CSTA: variants seen among roughly 807,000 people sequenced by gnomAD.
The protein encoded by CSTA is cystatin-A.
CSTA carries 9 observed loss-of-function variants against 9.2 expected under a neutral mutation model. The ratio of observed to expected loss-of-function variants is 0.97; its 90% CI spans 0.59 to 1.70. The LOEUF is 1.70. CSTA is among the 40% of genes most tolerant of loss of function. The pLI, the probability that CSTA is intolerant of heterozygous loss-of-function variation, is 0.00. For synonymous variants in CSTA, 36 were observed against 40.6 expected, an observed-to-expected ratio of 0.89 and a Z score of 0.43; for missense variants, 118 against 113.1, an observed-to-expected ratio of 1.04 and a Z score of -0.20.
chr3:122,327,562 C>T (rs896493545), intron 1 of CSTA, among the ~76,000 whole-genome samples: 2 of 146,498 alleles, frequency 1.4e-5, no homozygotes, highest in African/African-American at 2.5e-5. Context: ...AGTCAGGGTG[C>T]CAAAATAAAA....
rs541863422 is a variant in CSTA at position 122,340,680 on chromosome 3, G to A, written c.169-759G>A. Reference sequence around the variant, plus strand: ...CCTACCAGTGGGTGTTTATAAAGTAGGTTCTGATATAGGTATGGGAACCCT... The same window carrying A: ...CCTACCAGTGGGTGTTTATAAAGTAAGTTCTGATATAGGTATGGGAACCCT... On this transcript the variant is annotated intron_variant, in intron 2 of 2. Transcript: ENST00000264474. Among the ~76,000 whole-genome samples, 7 of 152,250 alleles carry A rather than the reference G, an allele frequency of 4.6e-5. No individual in the cohort carries two copies. In the East Asian group the frequency reaches 1.4e-3, roughly 29 times the overall value.
At position 122,334,905 on chromosome 3, in the gene CSTA, A is replaced by C. The variant is rs1444463612; in HGVS notation, c.67-2642A>C. On this transcript the variant is annotated intron_variant, in intron 1 of 2. Coordinates refer to ENST00000264474, the MANE Select transcript of CSTA (RefSeq NM_005213.4). Reference sequence around the variant, plus strand: ...GGCGCAGGCATGAGCAACACCAAAAAGTCGTAGCCAGGAGTAAGGTCTCAG... The same window carrying C: ...GGCGCAGGCATGAGCAACACCAAAACGTCGTAGCCAGGAGTAAGGTCTCAG... 2.6e-5 allele frequency among the ~76,000 whole-genome samples: 4 copies of C among 152,232 alleles called. No individual in the cohort carries two copies. In the South Asian group the frequency reaches 6.2e-4, roughly 24 times the overall value.
In CSTA at chr3:122,329,485, G is replaced by T. The variant is rs367649200; in HGVS notation, c.66+4127G>T. 1.7e-3 allele frequency among the ~76,000 whole-genome samples: 252 copies of T among 152,210 alleles called. 8 individuals are homozygous for T. The South Asian group carries it at 0.051, about 31-fold the overall frequency. On this transcript the variant is annotated intron_variant, in intron 1 of 2. Transcript: ENST00000264474. The stretch of plus-strand genomic sequence containing the variant: ...GGAGGCTTAGGTGAGAGAATCACTT[G>T]CACTCAGGAAGTTGAGGATGCAGTG...
chr3:122,335,958 TAC>T (rs55707796), intron 1 of CSTA, among the ~76,000 whole-genome samples: 12,552 of 147,514 alleles, frequency 0.085, 969 homozygotes, highest in East Asian at 0.38. Flanking sequence ...ATCAGAGGAA[TAC>T]ACACACACAC....
At chr3:122,334,562 G>T (rs2075226108) in intron 1 of CSTA, among the ~76,000 whole-genome samples, 1 of 152,146 alleles carries the variant, frequency 6.6e-6, no homozygotes, top group Non-Finnish European at 1.5e-5. Flanking sequence ...CTGGAGGCCT[G>T]ATTGAAGTTG....
At position 122,341,449 on chromosome 3, in the gene CSTA, G is replaced by A; in HGVS notation, c.179G>A (p.Gly60Asp). ...TTTAATATTTTTCAGGTACGAGCAG[G>A]TGATAATAAATATATGCACTTGAAA... ...GTNYYIKVRA[G>D]DNKYMHLKVF... The change falls in exon 3 of 3, where the codon GGT becomes GAT. Residue 60 changes from glycine to aspartate, a missense_variant. Gly to Asp is a moderately conservative substitution (Grantham distance 94, BLOSUM62 -1). Coordinates refer to ENST00000264474, the MANE Select transcript of CSTA (RefSeq NM_005213.4). 1.2e-6 allele frequency: 2 copies of A among 1,613,948 alleles called. No homozygotes were observed. The highest frequency in any genetic ancestry group is 2.2e-5 in the East Asian group (1 of 44,866).
chr3:122,325,896 T>C (rs1331975291), intron 1 of CSTA, among the ~76,000 whole-genome samples: 3 of 152,250 alleles, frequency 2.0e-5, no homozygotes, highest in East Asian at 1.9e-4. Flanking sequence ...ATTCAACTAA[T>C]AGAACAGAGG....
At chr3:122,339,670 T>C (rs2075254758) in intron 2 of CSTA, among the ~76,000 whole-genome samples, 1 of 152,162 alleles carries the variant, frequency 6.6e-6, no homozygotes, top group Non-Finnish European at 1.5e-5. Flanking sequence ...CTGGGCAACA[T>C]AGCAAGACCC....
At chr3:122,336,851 G>A (rs1006418200) in intron 1 of CSTA, among the ~76,000 whole-genome samples, 57 of 152,260 alleles carry the variant, frequency 3.7e-4, no homozygotes, top group African/African-American at 1.2e-3. Flanking sequence ...ACTAACATAA[G>A]AGGAGATCAC....
At chr3:122,333,387 T>C (rs1157481011) in intron 1 of CSTA, among the ~76,000 whole-genome samples, 1 of 152,032 alleles carries the variant, frequency 6.6e-6, no homozygotes. Flanking sequence ...GGCAGATGCC[T>C]GTAGTCCCAG....
chr3:122,338,499 CAAAAAAA>C (rs58446448), intron 2 of CSTA, among the ~76,000 whole-genome samples: 1 of 140,152 alleles, frequency 7.1e-6, no homozygotes, highest in South Asian at 2.3e-4. Flanking sequence ...ATTTTTTCAG[CAAAAAAA>C]AAAAAAAAAG....
rs368416217 is a variant in CSTA, at chr3:122,333,688, A to G, written c.67-3859A>G. 2.8e-3 allele frequency among the ~76,000 whole-genome samples: 402 copies of G among 141,894 alleles called. 7 individuals carry two copies. Among genetic ancestry groups the G allele is most frequent in the Middle Eastern group, 0.021 (5 of 238 alleles). The allele number at this position is 141,894 out of a possible 152,430, so 93.1% of individuals were successfully genotyped here. A position where few individuals can be genotyped will look rare whatever the true frequency, so the allele number is the denominator to read the frequency against. ...AAAAGGAAGAAAGAAAGAAGAAAGA[A>G]AGAGAGAGAGAAAGAAAGAAAAAGA... On this transcript the variant is annotated intron_variant, in intron 1 of 2. Transcript: ENST00000264474.
chr3:122,332,006 C>T (rs548519709), intron 1 of CSTA, among the ~76,000 whole-genome samples: 4 of 152,294 alleles, frequency 2.6e-5, no homozygotes, highest in African/African-American at 9.6e-5. Flanking sequence ...AATAGGGTTC[C>T]CACTCCTATG....
intron 1 of CSTA, among the ~76,000 whole-genome samples, chr3:122,335,997 G>A (rs903389975): frequency 7.5e-5 from 10 of 133,066 alleles, no homozygotes; most frequent in African/African-American, 2.7e-4. Flanking sequence ...ACACACACAC[G>A]TACACACACA....
At chr3:122,333,583 G>GAAAGAAAGAAAC (rs2075218345) in intron 1 of CSTA, among the ~76,000 whole-genome samples, 1 of 116,702 alleles carries the variant, frequency 8.6e-6, no homozygotes, top group African/African-American at 3.5e-5. Context: ...AAGAAAGAAA[G>GAAAGAAAGAAAC]AAAGAAAGAA....
chr3:122,333,708 AAAAG>A (rs1219578651), intron 1 of CSTA, among the ~76,000 whole-genome samples: 2 of 135,956 alleles, frequency 1.5e-5, no homozygotes, highest in Admixed American at 7.5e-5. Context: ...GAAAGAAAGA[AAAAG>A]AAAGAAAGAG....
chr3:122,340,193 A>G (rs1559983268), intron 2 of CSTA, among the ~76,000 whole-genome samples: 1 of 152,222 alleles, frequency 6.6e-6, no homozygotes, highest in Non-Finnish European at 1.5e-5. Context: ...TCCAGCAAGA[A>G]CCAAAGTAAA....
chr3:122,330,160 G>T (rs142245519), intron 1 of CSTA, among the ~76,000 whole-genome samples: 1 of 152,318 alleles, frequency 6.6e-6, no homozygotes, highest in East Asian at 1.9e-4. Context: ...AGGGAAAATG[G>T]ATAGATGCTA....
intron 1 of CSTA, among the ~76,000 whole-genome samples, chr3:122,329,932 C>A (rs1559980662): frequency 6.6e-6 from 1 of 152,184 alleles, no homozygotes; most frequent in Non-Finnish European, 1.5e-5. Context: ...CCCTCTCTTG[C>A]AGGAGTGAGC....
Sources: allele counts gnomAD v4.1 joint callset (sites outside exome capture counted in the v4.1 genomes callset), GRCh38; gene constraint gnomAD v4.1.1; transcripts MANE v1.5; gene names NCBI Gene and HGNC (gene_info 2026-07-23, HGNC 2026-07-21).